Variants in LRRC7 observed in about 807,000 individuals in gnomAD.
LRRC7 encodes the protein leucine-rich repeat-containing protein 7.
LRRC7 carries 23 observed loss-of-function variants against 175.7 expected under a neutral mutation model. The ratio of observed to expected loss-of-function variants is 0.13; its 90% CI spans 0.09 to 0.19. The LOEUF is 0.19. Among genes scored for constraint, LRRC7 ranks in the 10% least tolerant of loss-of-function variants. The pLI is 1.00. For missense variants in LRRC7, 1,354 were observed against 1,904.7 expected (o/e 0.71, Z 5.38); for synonymous variants, 685 against 680.9 (o/e 1.01, Z -0.09).
intron 2 of LRRC7, among the ~76,000 whole-genome samples, chr1:69,739,009 T>C (rs972154326): frequency 6.6e-5 from 10 of 151,998 alleles, no homozygotes; most frequent in Non-Finnish European, 1.5e-4. Flanking sequence ...CTGGGTATAA[T>C]ACAAAATTCC....
At chr1:69,833,586 G>A (rs1347122122) in intron 5 of LRRC7, among the ~76,000 whole-genome samples, 2 of 151,994 alleles carry the variant, frequency 1.3e-5, no homozygotes, top group Non-Finnish European at 2.9e-5. Flanking sequence ...ATACAAGAAA[G>A]TATTGGACAT....
chr1:69,648,132 G>A (rs1264411), intron 1 of LRRC7, among the ~76,000 whole-genome samples: 6 of 151,888 alleles, frequency 4.0e-5, no homozygotes, highest in East Asian at 1.9e-4. Context: ...GTAAATAGAC[G>A]TGGACCCTGT....
chr1:69,768,254 T>C (rs1331959775), intron 3 of LRRC7, among the ~76,000 whole-genome samples: 1 of 152,186 alleles, frequency 6.6e-6, no homozygotes, highest in Non-Finnish European at 1.5e-5. Context: ...AAATGGGCTC[T>C]GACAACTGTG....
intron 8 of LRRC7, among the ~76,000 whole-genome samples, chr1:69,974,602 G>A (rs779862105): frequency 6.6e-6 from 1 of 152,106 alleles, no homozygotes; most frequent in Non-Finnish European, 1.5e-5. Context: ...TTGAATGTAA[G>A]CCATTTAGTT....
Position 69,886,338 on chromosome 1 carries a change from T to C in LRRC7, c.648-45169T>C, listed in dbSNP as rs1477757179. 8.7e-3 allele frequency among the ~76,000 whole-genome samples: 1,305 copies of C among 150,298 alleles called. 21 individuals are homozygous for C. Among genetic ancestry groups the C allele is most frequent in the African/African-American group, 0.03 (1,215 of 41,098 alleles). On this transcript the variant is annotated intron_variant, in intron 7 of 26. Coordinates refer to ENST00000651989, the MANE Select transcript of LRRC7 (RefSeq NM_001370785.2). ...CATATATATTTAGGATAGTTAGCTC[T>C]TCTTGTTGAATTGATCCCTTTACCA... is the stretch of plus-strand genomic sequence containing the variant.
chr1:70,083,702 G>C (rs1028837602), intron 24 of LRRC7, among the ~76,000 whole-genome samples: 20 of 152,148 alleles, frequency 1.3e-4, no homozygotes, highest in African/African-American at 4.1e-4. Context: ...ACCACTTCCT[G>C]CTGCTAACTC....
At chr1:70,109,313 C>A (rs1418675074) in intron 26 of LRRC7, among the ~76,000 whole-genome samples, 3 of 152,104 alleles carry the variant, frequency 2.0e-5, no homozygotes, top group Admixed American at 2.0e-4. Flanking sequence ...TGAGCCACTG[C>A]GCCCGGCCTC....
chr1:69,819,581 G>C (rs200610314), intron 4 of LRRC7, among the ~76,000 whole-genome samples: 5,260 of 121,440 alleles, frequency 0.043, 141 homozygotes, highest in East Asian at 0.17. Flanking sequence ...CTCTCTCTGT[G>C]TGTGTGTGTG....
At chr1:69,655,362 A>G (rs1388347593) in intron 1 of LRRC7, among the ~76,000 whole-genome samples, 1 of 151,772 alleles carries the variant, frequency 6.6e-6, no homozygotes, top group Non-Finnish European at 1.5e-5. Context: ...AGCTTCTTGT[A>G]GTTTTCTGCC....
At chr1:69,774,708 T>C (rs1440093581) in intron 3 of LRRC7, among the ~76,000 whole-genome samples, 1 of 152,166 alleles carries the variant, frequency 6.6e-6, no homozygotes, top group Non-Finnish European at 1.5e-5. Context: ...AGGGAACAAA[T>C]CCACATTATT....
chr1:69,761,595 A>G (rs1671040929), intron 3 of LRRC7, among the ~76,000 whole-genome samples: 1 of 151,954 alleles, frequency 6.6e-6, no homozygotes, highest in South Asian at 2.1e-4. Context: ...ATACACAGGT[A>G]TAGTGTATTT....
Position 70,127,449 on chromosome 1 carries a change from C to A in LRRC7, c.*5562C>A, listed in dbSNP as rs961149273. 1.3e-5 allele frequency among the ~76,000 whole-genome samples: 2 copies of A among 151,984 alleles called. No homozygotes were observed. Among genetic ancestry groups the A allele is most frequent in the Non-Finnish European group, 2.9e-5 (2 of 68,016 alleles). ...AGTTAAAGTATAGGAATATTGAGTC[C>A]CTTGGGATTTTAACCATGTGATTAT... On this transcript the variant is annotated 3_prime_UTR_variant, in exon 27 of 27. Transcript: ENST00000651989.
chr1:70,055,698 C>T (rs1379017238), intron 23 of LRRC7, among the ~76,000 whole-genome samples: 1 of 152,098 alleles, frequency 6.6e-6, no homozygotes, highest in Non-Finnish European at 1.5e-5. Context: ...GGGGGAAGTG[C>T]TATATACCTT....
intron 2 of LRRC7, among the ~76,000 whole-genome samples, chr1:69,700,028 GC>G (rs1277942882): frequency 6.6e-6 from 1 of 152,164 alleles, no homozygotes; most frequent in Non-Finnish European, 1.5e-5. Flanking sequence ...TATGGTAATA[GC>G]TTTTGGGGAG....
intron 1 of LRRC7, among the ~76,000 whole-genome samples, chr1:69,576,953 AATTTT>A (rs1383750111): frequency 6.6e-6 from 1 of 152,134 alleles, no homozygotes; most frequent in African/African-American, 2.4e-5. Flanking sequence ...TGCACTATCT[AATTTT>A]ATTTAATGAG....
At chr1:69,834,136 A>AT (rs1680847820) in intron 5 of LRRC7, among the ~76,000 whole-genome samples, 1 of 152,012 alleles carries the variant, frequency 6.6e-6, no homozygotes, top group African/African-American at 2.4e-5. Context: ...TATTTTCTTA[A>AT]TTTTTTGATG....
rs141932871 is a variant in LRRC7 at position 70,038,682 on chromosome 1, G to A, written c.2858G>A (p.Arg953His). Residue 953 changes from arginine to histidine, a missense_variant, in exon 21 of 27, where the codon CGC (arginine) becomes CAC (histidine). Coordinates refer to ENST00000651989, the MANE Select transcript of LRRC7 (RefSeq NM_001370785.2). ...LSNVFSQIHC[R>H]PESSKGVISI... ...AATGTCTTTTCTCAAATCCACTGCC[G>A]CCCGGAATCTTCTAAAGGTGTTATT... 2.8e-5 allele frequency: 45 copies of A among 1,614,000 alleles called. No homozygotes were observed. Among genetic ancestry groups the A allele is most frequent in the Middle Eastern group, 1.7e-4 (1 of 6,060 alleles).
chr1:70,001,733 T>C (rs1246643117), intron 11 of LRRC7, among the ~76,000 whole-genome samples: 1 of 152,176 alleles, frequency 6.6e-6, no homozygotes, highest in East Asian at 1.9e-4. Flanking sequence ...AAATTAGTTA[T>C]TTTGTTGTTG....
intron 24 of LRRC7, among the ~76,000 whole-genome samples, chr1:70,077,480 T>TA (rs1302142577): frequency 6.6e-6 from 1 of 152,170 alleles, no homozygotes; most frequent in African/African-American, 2.4e-5. Flanking sequence ...CTTAGGAGGT[T>TA]AAAAAATTAT....
Sources: gnomAD v4.1 joint callset for allele counts (sites outside exome capture counted in the v4.1 genomes callset) on GRCh38, gnomAD v4.1.1 for gene constraint, MANE v1.5 for transcripts, NCBI Gene and HGNC (gene_info 2026-07-23, HGNC 2026-07-21) for gene names.